Variants in ESRRG observed in about 807,000 individuals in gnomAD.
ESRRG encodes estrogen-related receptor gamma.
A neutral mutation model predicts 44.0 loss-of-function variants in ESRRG; 13 were observed. The observed-to-expected ratio is 0.30, with a 90% CI of 0.19 to 0.47. ESRRG has a LOEUF of 0.47. Ranked by LOEUF, ESRRG falls within the 20% of genes least tolerant of loss-of-function variation. The probability of loss-of-function intolerance (pLI) is 1.00; values close to 1 mark genes in which losing one functional copy is unlikely to be tolerated. For synonymous variants in ESRRG, 215 were observed against 214.6 expected, an observed-to-expected ratio of 1.00 and a Z score of -0.02; for missense variants, 395 against 580.6, an observed-to-expected ratio of 0.68 and a Z score of 3.29.
At chr1:216,532,999 A>G (rs1558313991) in intron 5 of ESRRG, among the ~76,000 whole-genome samples, 1 of 152,152 alleles carries the variant, frequency 6.6e-6, no homozygotes, top group African/African-American at 2.4e-5. Flanking sequence ...AGCTCGGGAT[A>G]CAGCTTAGAA....
intron 5 of ESRRG, among the ~76,000 whole-genome samples, chr1:216,529,802 A>C (rs1018690441): frequency 1.3e-5 from 2 of 152,110 alleles, no homozygotes; most frequent in Non-Finnish European, 2.9e-5. Flanking sequence ...CCCACAATTA[A>C]AAGAAATTTA....
At chr1:216,771,817 T>G (rs1416792392) in intron 2 of ESRRG, among the ~76,000 whole-genome samples, 1 of 16,472 alleles carries the variant, frequency 6.1e-5, no homozygotes. Context: ...GTTTGTGGTG[T>G]TTTTTTTTTT....
intron 2 of ESRRG, among the ~76,000 whole-genome samples, chr1:216,751,387 T>C (rs2091991182): frequency 6.6e-6 from 1 of 152,160 alleles, no homozygotes; most frequent in South Asian, 2.1e-4. Context: ...ATATTCATCA[T>C]ACTTCTGATT....
At chr1:216,874,782 T>A (rs2096321811) in intron 2 of ESRRG, among the ~76,000 whole-genome samples, 1 of 152,156 alleles carries the variant, frequency 6.6e-6, no homozygotes, top group Non-Finnish European at 1.5e-5. Context: ...AGTGGGCACA[T>A]CTAATCAGCT....
intron 1 of ESRRG, among the ~76,000 whole-genome samples, chr1:217,110,280 C>T (rs574988974): frequency 6.6e-6 from 1 of 152,314 alleles, no homozygotes; most frequent in Admixed American, 6.5e-5. Context: ...CATTCCTGTG[C>T]TATGGCAATC....
chr1:217,044,692 T>C (rs2084524634), intron 1 of ESRRG, among the ~76,000 whole-genome samples: 1 of 152,134 alleles, frequency 6.6e-6, no homozygotes, highest in Non-Finnish European at 1.5e-5. Context: ...CTGGCACTTT[T>C]TAAGAAAAAA....
At chr1:216,834,373 C>A (rs2095531909) in intron 2 of ESRRG, among the ~76,000 whole-genome samples, 1 of 152,106 alleles carries the variant, frequency 6.6e-6, no homozygotes, top group Non-Finnish European at 1.5e-5. Flanking sequence ...TGCACTCCAG[C>A]CTGGGCAACA....
intron 1 of ESRRG, among the ~76,000 whole-genome samples, chr1:216,996,093 C>T (rs1422043761): frequency 6.6e-6 from 1 of 151,916 alleles, no homozygotes; most frequent in Non-Finnish European, 1.5e-5. Context: ...CATGATCCTA[C>T]CTGAAGATAA....
At chr1:216,963,127 A>T (rs893366392) in intron 1 of ESRRG, among the ~76,000 whole-genome samples, 2 of 152,196 alleles carry the variant, frequency 1.3e-5, no homozygotes, top group African/African-American at 4.8e-5. Flanking sequence ...TTTGTACACT[A>T]TAAGGCGCTA....
intron 5 of ESRRG, among the ~76,000 whole-genome samples, chr1:216,558,870 G>GTT (rs1341761654): frequency 2.7e-5 from 4 of 150,366 alleles, no homozygotes; most frequent in Non-Finnish European, 4.4e-5. Flanking sequence ...TTTGTTTTTT[G>GTT]TTTTTTTGTT....
intron 2 of ESRRG, among the ~76,000 whole-genome samples, chr1:216,892,758 C>T (rs1019855297): frequency 2.0e-5 from 3 of 152,170 alleles, no homozygotes; most frequent in Admixed American, 6.6e-5. Context: ...ACTTTAACAG[C>T]ACTCAGCTAT....
chr1:216,966,996 G>A (rs2070529634), intron 1 of ESRRG, among the ~76,000 whole-genome samples: 1 of 152,082 alleles, frequency 6.6e-6, no homozygotes, highest in Non-Finnish European at 1.5e-5. Context: ...ACATCCATTT[G>A]AACTGGACTA....
At chr1:216,812,578 T>G (rs1412111898) in intron 2 of ESRRG, among the ~76,000 whole-genome samples, 1 of 152,222 alleles carries the variant, frequency 6.6e-6, no homozygotes, top group African/African-American at 2.4e-5. Context: ...CTTCACTATA[T>G]ACTAGGTTTT....
In ESRRG at chr1:216,677,381, T is replaced by G; in HGVS notation, c.167A>C (p.His56Pro). 6.2e-7 allele frequency: 1 copy of G among 1,614,116 alleles called. No homozygotes were observed. Reference sequence around the variant, plus strand: ...GGCGTCTGAAGAGCCACCAGGGCTGTGGTGGTTGACGCTGTCCGTCAGGGA... The same window carrying G: ...GGCGTCTGAAGAGCCACCAGGGCTGGGGTGGTTGACGCTGTCCGTCAGGGA... ...PASLTDSVNH[H>P]SPGGSSDASG... Residue 56 changes from histidine (H) to proline (P), a missense_variant, in exon 2 of 7, where the codon CAC becomes CCC. His to Pro is a moderately conservative substitution (Grantham distance 77). Coordinates refer to ENST00000408911, the MANE Select transcript of ESRRG (RefSeq NM_001438.4).
intron 2 of ESRRG, among the ~76,000 whole-genome samples, chr1:216,658,848 A>AAGAAG (rs199919171): frequency 0.048 from 5,969 of 124,948 alleles, 221 homozygotes; most frequent in East Asian, 0.083. Context: ...AAGAAAGTAA[A>AAGAAG]AGAAGAGAAG....
chr1:216,737,044 C>T (rs2090043211), intron 2 of ESRRG, among the ~76,000 whole-genome samples: 1 of 152,138 alleles, frequency 6.6e-6, no homozygotes, highest in Admixed American at 6.5e-5. Context: ...AAAATCAAAT[C>T]CTGCAACAAG....
intron 3 of ESRRG, among the ~76,000 whole-genome samples, chr1:216,648,265 G>T (rs1464884697): frequency 2.0e-5 from 3 of 152,086 alleles, no homozygotes; most frequent in Non-Finnish European, 2.9e-5. Context: ...AATAGAAAAA[G>T]AATATTCCAC....
chr1:216,714,996 TAA>T, intron 1 of ESRRG: 2 of 747,530 alleles, frequency 2.7e-6, no homozygotes, highest in Non-Finnish European at 3.3e-6. Context: ...CTTCTGTGCA[TAA>T]ATTGTCCATT....
chr1:216,739,098 T>C (rs1009197958), intron 2 of ESRRG, among the ~76,000 whole-genome samples: 3 of 152,176 alleles, frequency 2.0e-5, no homozygotes, highest in African/African-American at 7.2e-5. Context: ...AGCATCCCTC[T>C]ATCATCTCAA....
Sources: allele counts gnomAD v4.1 joint callset (sites outside exome capture counted in the v4.1 genomes callset), GRCh38; gene constraint gnomAD v4.1.1; transcripts MANE v1.5; gene names NCBI Gene and HGNC (gene_info 2026-07-23, HGNC 2026-07-21).